Variants in ANKMY2 observed in about 807,000 individuals in gnomAD.
The protein encoded by ANKMY2 is ankyrin repeat and MYND domain containing 2.
Under a neutral mutation model 50.4 loss-of-function variants are expected in ANKMY2, and 36 were observed. That is an observed-to-expected ratio of 0.71 (90% CI 0.55 to 0.94). The LOEUF (loss-of-function observed/expected upper bound fraction) is 0.94, where lower values mean the gene tolerates loss of function less well. ANKMY2 is among the 40% of genes least tolerant of loss of function. The probability of loss-of-function intolerance (pLI) is 0.00; values close to 1 mark genes in which losing one functional copy is unlikely to be tolerated. For synonymous variants in ANKMY2, 187 were observed against 178.8 expected, an observed-to-expected ratio of 1.05 and a Z score of -0.36; for missense variants, 565 against 524.0, an observed-to-expected ratio of 1.08 and a Z score of -0.76.
At chr7:16,604,055 G>C (rs1279814565) in intron 8 of ANKMY2, among the ~76,000 whole-genome samples, 4 of 152,228 alleles carry the variant, frequency 2.6e-5, no homozygotes, top group Non-Finnish European at 1.5e-5. Flanking sequence ...AGATGAAGCT[G>C]AAGAAGTAGG....
intron 7 of ANKMY2, among the ~76,000 whole-genome samples, chr7:16,609,172 T>C (rs1781206067): frequency 6.6e-6 from 1 of 152,162 alleles, no homozygotes; most frequent in South Asian, 2.1e-4. Context: ...AGCTGAGGCA[T>C]ACTTTGAGAT....
At chr7:16,637,073 T>A (rs1409018320) in intron 1 of ANKMY2, among the ~76,000 whole-genome samples, 1 of 152,220 alleles carries the variant, frequency 6.6e-6, no homozygotes, top group South Asian at 2.1e-4. Flanking sequence ...GCCAAAGTTG[T>A]CAGGTTTTTC....
At chr7:16,606,575 T>G (rs555437118) in intron 7 of ANKMY2, among the ~76,000 whole-genome samples, 23 of 152,354 alleles carry the variant, frequency 1.5e-4, no homozygotes, top group African/African-American at 5.5e-4. Flanking sequence ...ATTTGTTCAT[T>G]TGTTCCAAAC....
chr7:16,623,152 T>C (rs1352973444), intron 4 of ANKMY2, among the ~76,000 whole-genome samples: 1 of 152,156 alleles, frequency 6.6e-6, no homozygotes, highest in African/African-American at 2.4e-5. Context: ...AAATCTTATG[T>C]ATGTATGTAC....
At chr7:16,641,283 C>A (rs1247713919) in intron 1 of ANKMY2, among the ~76,000 whole-genome samples, 1 of 152,082 alleles carries the variant, frequency 6.6e-6, no homozygotes, top group Non-Finnish European at 1.5e-5. Context: ...CTAATTATAA[C>A]ATGCATTTTG....
intron 4 of ANKMY2, among the ~76,000 whole-genome samples, chr7:16,620,728 C>T (rs925654531): frequency 2.6e-5 from 4 of 151,792 alleles, no homozygotes; most frequent in African/African-American, 9.7e-5. Flanking sequence ...TATACATAAG[C>T]TAAATACCTG....
At position 16,645,585 on chromosome 7, in the gene ANKMY2, G is replaced by A; in HGVS notation, c.-12C>T. The A allele has an allele frequency of 6.2e-7, 1 of 1,609,794 alleles. No individual in the cohort carries two copies. Among genetic ancestry groups the A allele is most frequent in the African/African-American group, 1.3e-5 (1 of 74,688 alleles). ...TTTATGTGAACCATTGCTCCCGCCA[G>A]CTTGAAGGTTATTCCCTTTCTTAGG... On this transcript the variant is annotated 5_prime_UTR_variant, in exon 1 of 10. Transcript: ENST00000306999.
At chr7:16,633,972 CAG>C (rs758683883) in intron 2 of ANKMY2, among the ~76,000 whole-genome samples, 5 of 151,990 alleles carry the variant, frequency 3.3e-5, no homozygotes, top group Non-Finnish European at 5.9e-5. Context: ...ATATATAAGA[CAG>C]AATATCCATA....
intron 4 of ANKMY2, among the ~76,000 whole-genome samples, chr7:16,619,492 T>G (rs553851272): frequency 6.6e-6 from 1 of 152,296 alleles, no homozygotes; most frequent in South Asian, 2.1e-4. Flanking sequence ...AGTATTACTT[T>G]ACCTTTTTTT....
chr7:16,627,332 T>G (rs1310738109), intron 2 of ANKMY2, among the ~76,000 whole-genome samples, 154 bp from the exon 3 acceptor site: 1 of 152,218 alleles, frequency 6.6e-6, no homozygotes, highest in Non-Finnish European at 1.5e-5. Context: ...CACTTTGATC[T>G]TCCATAAACT....
chr7:16,628,149 T>C (rs1349047035), intron 2 of ANKMY2, among the ~76,000 whole-genome samples: 1 of 152,206 alleles, frequency 6.6e-6, no homozygotes, highest in Non-Finnish European at 1.5e-5. Context: ...TTCTCAGTAG[T>C]GTAGGCGAAA....
intron 3 of ANKMY2, among the ~76,000 whole-genome samples, chr7:16,626,377 T>C (rs939759735): frequency 6.6e-6 from 1 of 152,248 alleles, no homozygotes; most frequent in Non-Finnish European, 1.5e-5. Flanking sequence ...TGGTATATCC[T>C]ACAAATGAAA....
intron 5 of ANKMY2, among the ~76,000 whole-genome samples, 162 bp from the exon 6 acceptor site, chr7:16,610,925 T>C (rs1207588751): frequency 2.0e-5 from 3 of 152,224 alleles, no homozygotes; most frequent in Non-Finnish European, 4.4e-5. Context: ...CCAGAACTTA[T>C]AGAACTAATA....
chr7:16,640,767 C>T (rs570736647), intron 1 of ANKMY2, among the ~76,000 whole-genome samples: 1 of 152,216 alleles, frequency 6.6e-6, no homozygotes, highest in East Asian at 1.9e-4. Flanking sequence ...CCAAGTGATC[C>T]TCTTGGATCC....
chr7:16,640,903 GA>G (rs1781736271), intron 1 of ANKMY2, among the ~76,000 whole-genome samples: 1 of 152,128 alleles, frequency 6.6e-6, no homozygotes, highest in African/African-American at 2.4e-5. Flanking sequence ...TAAGGATTTA[GA>G]AATCTATTTG....
chr7:16,634,027 T>G (rs912813931), intron 2 of ANKMY2, among the ~76,000 whole-genome samples: 1 of 152,172 alleles, frequency 6.6e-6, no homozygotes, highest in South Asian at 2.1e-4. Flanking sequence ...TGATATTAAT[T>G]TTGCTACCCA....
intron 4 of ANKMY2, among the ~76,000 whole-genome samples, chr7:16,620,105 A>T (rs1452344698): frequency 6.6e-6 from 1 of 152,230 alleles, no homozygotes; most frequent in Non-Finnish European, 1.5e-5. Flanking sequence ...CAAAGAATAT[A>T]CAACCTACGT....
At chr7:16,614,437 C>A (rs111342981) in intron 5 of ANKMY2, among the ~76,000 whole-genome samples, 41 of 152,286 alleles carry the variant, frequency 2.7e-4, no homozygotes, top group Middle Eastern at 6.8e-3. Context: ...TTCCACTCTT[C>A]TGTCTGATGG....
rs1781812504 is a variant in ANKMY2 at position 16,645,060 on chromosome 7, G to A, written c.67+447C>T. 3.3e-5 allele frequency among the ~76,000 whole-genome samples: 5 copies of A among 152,210 alleles called. No individual in the cohort carries two copies. In the South Asian group the frequency reaches 1.0e-3, roughly 32 times the overall value. Reference sequence around the variant, plus strand: ...TAAGGGCGCCCTCCACTCCCAAGCGGGGGCGGGGATCGGCAAAGGATCCAG... The same window carrying A: ...TAAGGGCGCCCTCCACTCCCAAGCGAGGGCGGGGATCGGCAAAGGATCCAG... On this transcript the variant is annotated intron_variant, in intron 1 of 9. Transcript: ENST00000306999.
Sources: gnomAD v4.1 joint callset for allele counts (sites outside exome capture counted in the v4.1 genomes callset) on GRCh38, gnomAD v4.1.1 for gene constraint, MANE v1.5 for transcripts, NCBI Gene and HGNC (gene_info 2026-07-23, HGNC 2026-07-21) for gene names.